Variants in CDH12 observed in about 807,000 individuals in gnomAD.
The protein encoded by CDH12 is cadherin-12.
A neutral mutation model predicts 74.1 loss-of-function variants in CDH12; 41 were observed. That is an observed-to-expected ratio of 0.55 (90% CI 0.43 to 0.72). The LOEUF (loss-of-function observed/expected upper bound fraction) is 0.72. Among genes scored for constraint, CDH12 ranks in the 30% least tolerant of loss-of-function variants. The pLI, the probability that CDH12 is intolerant of heterozygous loss-of-function variation, is 0.00. For missense variants in CDH12, 945 were observed against 977.2 expected (o/e 0.97, Z 0.44); for synonymous variants, 399 against 355.0 (o/e 1.12, Z -1.39).
intron 3 of CDH12, among the ~76,000 whole-genome samples, chr5:22,367,798 T>C (rs965947303): frequency 6.6e-6 from 1 of 152,218 alleles, no homozygotes; most frequent in African/African-American, 2.4e-5. Context: ...AGATTCATAT[T>C]ATGACCAAAA....
intron 1 of CDH12, among the ~76,000 whole-genome samples, chr5:22,788,124 C>G (rs1308194912): frequency 6.6e-6 from 1 of 152,074 alleles, no homozygotes; most frequent in African/African-American, 2.4e-5. Flanking sequence ...AAAATGTTGA[C>G]AGGACATGGT....
At chr5:21,914,906 A>T (rs1475368204) in intron 6 of CDH12, among the ~76,000 whole-genome samples, 2 of 152,208 alleles carry the variant, frequency 1.3e-5, no homozygotes, top group Non-Finnish European at 1.5e-5. Context: ...GTATTTGTTT[A>T]AAAAGTATGA....
At chr5:22,628,314 T>G (rs184303510) in intron 1 of CDH12, among the ~76,000 whole-genome samples, 1 of 152,232 alleles carries the variant, frequency 6.6e-6, no homozygotes, top group Admixed American at 6.5e-5. Context: ...TGTCTGCGCA[T>G]GAACTATGCT....
intron 3 of CDH12, among the ~76,000 whole-genome samples, chr5:22,274,250 C>A (rs1736525223): frequency 6.6e-6 from 1 of 151,716 alleles, no homozygotes; most frequent in African/African-American, 2.4e-5. Context: ...TTTTACATGC[C>A]AAGAATCGAG....
chr5:22,093,047 G>T (rs182091148), intron 4 of CDH12, among the ~76,000 whole-genome samples: 1 of 152,208 alleles, frequency 6.6e-6, no homozygotes, highest in African/African-American at 2.4e-5. Context: ...GATGATAGGG[G>T]CTATTATCCA....
At chr5:22,126,678 A>T (rs1044735895) in intron 4 of CDH12, among the ~76,000 whole-genome samples, 61 of 152,330 alleles carry the variant, frequency 4.0e-4, no homozygotes, top group African/African-American at 1.4e-3. Flanking sequence ...CCTATTCACA[A>T]AGCAGGCAAT....
intron 6 of CDH12, among the ~76,000 whole-genome samples, chr5:21,920,302 G>T (rs766117124): frequency 2.0e-5 from 3 of 152,146 alleles, no homozygotes; most frequent in Non-Finnish European, 4.4e-5. Context: ...ATAAATGGAA[G>T]GACTTGGACA....
At chr5:21,983,399 C>T (rs1206453788) in intron 5 of CDH12, among the ~76,000 whole-genome samples, 2 of 151,978 alleles carry the variant, frequency 1.3e-5, no homozygotes, top group East Asian at 3.9e-4. Context: ...TCTTTTTTCC[C>T]TTTTTATTTT....
At chr5:22,747,359 C>T (rs1367508742) in intron 1 of CDH12, among the ~76,000 whole-genome samples, 1 of 151,106 alleles carries the variant, frequency 6.6e-6, no homozygotes, top group Non-Finnish European at 1.5e-5. Context: ...TGTAGTGGCT[C>T]ACACCTGTAA....
rs573344003 is a variant in CDH12, at chr5:22,465,784, C to T, written c.-428+39486G>A. Among the ~76,000 whole-genome samples the T allele has an allele frequency of 2.6e-5, 4 of 152,300 alleles. No homozygotes were observed. In the South Asian group the frequency reaches 8.3e-4, roughly 32 times the overall value. ...GCACTCAGTGTGTCAGGTAAAAAGT[C>T]TGCAGATCACAAAGGCATCCATTGC... On this transcript the variant is annotated intron_variant, in intron 2 of 14. Transcript: ENST00000382254.
chr5:22,391,909 A>G (rs1742264221), intron 3 of CDH12, among the ~76,000 whole-genome samples: 1 of 152,214 alleles, frequency 6.6e-6, no homozygotes, highest in Non-Finnish European at 1.5e-5. Context: ...AAATAATAGC[A>G]TGGCCACTAA....
At chr5:22,828,792 T>C (rs1175918044) in intron 1 of CDH12, among the ~76,000 whole-genome samples, 1 of 152,134 alleles carries the variant, frequency 6.6e-6, no homozygotes, top group African/African-American at 2.4e-5. Context: ...ACAGGAATGA[T>C]GTACATGAAG....
chr5:21,751,751 C>T lies in CDH12; in HGVS notation c.2371G>A (p.Asp791Asn). Residue 791 changes from aspartate to asparagine, a missense_variant, in exon 15 of 15, where the codon GAT becomes AAT. By Grantham distance (23) the Asp-to-Asn change is conservative. Coordinates refer to ENST00000382254, the MANE Select transcript of CDH12 (RefSeq NM_004061.5). ...CCACGACTCCCTTAAGTGACTTTAT[C>T]AGGGTTATAACTCTCTTCTTCGCCA... ...MFGEEESYNP[D>N]KVT is the part of the protein sequence containing the mutation. The T allele has an allele frequency of 6.2e-7, 1 of 1,611,790 alleles. No individual in the cohort carries two copies. Among genetic ancestry groups the T allele is most frequent in the Non-Finnish European group, 8.5e-7 (1 of 1,178,984 alleles).
chr5:22,028,266 T>C (rs1038610451), intron 5 of CDH12, among the ~76,000 whole-genome samples: 5 of 152,098 alleles, frequency 3.3e-5, no homozygotes, highest in African/African-American at 1.2e-4. Flanking sequence ...GCCAGGGCAA[T>C]TAGGCAGGAG....
chr5:22,024,827 ATTAG>A lies in CDH12; in HGVS notation c.232-49446_232-49443del, dbSNP rs1236463455. ...CCATGCCTGGCCAAAAGCAAATTAA[ATTAG>A]TACACAGAAAATCTAAATGTATGGA... On this transcript the variant is annotated intron_variant, in intron 5 of 14. Transcript: ENST00000382254. Among the ~76,000 whole-genome samples the A allele has an allele frequency of 3.9e-5, 6 of 152,272 alleles. No individual in the cohort carries two copies. The East Asian group carries it at 9.6e-4, about 24-fold the overall frequency.
At chr5:22,820,548 G>A (rs1749644184) in intron 1 of CDH12, among the ~76,000 whole-genome samples, 1 of 151,862 alleles carries the variant, frequency 6.6e-6, no homozygotes, top group Non-Finnish European at 1.5e-5. Flanking sequence ...ATGATAAAGG[G>A]GATATCACCA....
At chr5:21,814,394 C>T (rs907158594) in intron 9 of CDH12, among the ~76,000 whole-genome samples, 1 of 151,888 alleles carries the variant, frequency 6.6e-6, no homozygotes, top group Non-Finnish European at 1.5e-5. Flanking sequence ...TTATTGCTTT[C>T]ATGATAGTTG....
chr5:22,639,893 T>C (rs567492774), intron 1 of CDH12, among the ~76,000 whole-genome samples: 3 of 152,326 alleles, frequency 2.0e-5, no homozygotes, highest in Admixed American at 2.0e-4. Flanking sequence ...ACAGTCAACC[T>C]ATTAATCAGG....
chr5:22,583,237 A>T (rs1344552569), intron 1 of CDH12, among the ~76,000 whole-genome samples: 1 of 152,224 alleles, frequency 6.6e-6, no homozygotes, highest in Non-Finnish European at 1.5e-5. Flanking sequence ...GACCAGTCAC[A>T]TCAGTGAAGA....
Sources: allele counts gnomAD v4.1 joint callset (sites outside exome capture counted in the v4.1 genomes callset), GRCh38; gene constraint gnomAD v4.1.1; transcripts MANE v1.5; gene names NCBI Gene and HGNC (gene_info 2026-07-23, HGNC 2026-07-21).